DNAH6: variants seen among roughly 807,000 people sequenced by gnomAD.
DNAH6 encodes the protein axonemal beta dynein heavy chain 6.
Under a neutral mutation model 491.4 loss-of-function variants are expected in DNAH6, and 340 were observed. The observed-to-expected ratio is 0.69, with a 90% CI of 0.63 to 0.76. The LOEUF is 0.76. Among genes scored for constraint, DNAH6 ranks in the 30% least tolerant of loss-of-function variants. The probability of loss-of-function intolerance (pLI) is 0.00; values close to 1 mark genes in which losing one functional copy is unlikely to be tolerated. For synonymous variants in DNAH6, 1,603 were observed against 1,686.1 expected (o/e 0.95, Z 1.21); for missense variants, 4,443 against 4,972.2 (o/e 0.89, Z 3.20).
chr2:84,570,225 G>A (rs528735226), intron 11 of DNAH6, among the ~76,000 whole-genome samples: 9 of 152,344 alleles, frequency 5.9e-5, no homozygotes, highest in Admixed American at 1.3e-4. Flanking sequence ...AAGCCACCTC[G>A]AAGGGTCTCC....
intron 72 of DNAH6, 145 bp from the exon 73 acceptor site, chr2:84,812,196 C>T (rs1330705796): frequency 7.5e-6 from 5 of 667,864 alleles, no homozygotes; most frequent in Non-Finnish European, 1.3e-5. Flanking sequence ...ATTGGAGGGT[C>T]TGGCCCAGCA....
rs540564022 is a variant in DNAH6, at chr2:84,727,822, G to A, written c.10126G>A (p.Val3376Ile). The change falls in exon 61 of 77, where the codon GTT becomes ATT. Residue 3376 changes from valine (V) to isoleucine (I), a missense_variant. By Grantham distance (29) the Val-to-Ile change is conservative. This residue lies in a region of DNAH6 where 1,463 missense variants were observed against 1,656.6 expected (regional missense o/e 0.88). Transcript: ENST00000389394. The part of the protein sequence containing the change: ...HKLIYSFMLC[V>I]EMMRQQGTLS... ...ACTCATCTACAGCTTTATGCTTTGTGTTGAGATGATGCGTCAGCAAGGAAC... is the reference window on the plus strand; with the variant it reads ...ACTCATCTACAGCTTTATGCTTTGTATTGAGATGATGCGTCAGCAAGGAAC... 6.4e-7 allele frequency: 1 copy of A among 1,552,100 alleles called. No individual in the cohort carries two copies. Among genetic ancestry groups the A allele is most frequent in the Admixed American group, 2.0e-5 (1 of 51,016 alleles).
In DNAH6 at chr2:84,709,467, G is replaced by A. The variant is rs745375156; in HGVS notation, c.9173G>A (p.Arg3058His). 127 of 1,551,400 alleles carry A rather than the reference G, an allele frequency of 8.2e-5. No homozygotes were observed. Among genetic ancestry groups the A allele is most frequent in the Non-Finnish European group, 1.0e-4 (120 of 1,147,008 alleles). Residue 3058 changes from arginine (R) to histidine (H), a missense_variant, in exon 55 of 77, where the codon CGT (arginine) becomes CAT (histidine). Transcript: ENST00000389394. ...CAGTGGAACACTGATGGGCTGCCCC[G>A]TGACTTGATATCAACAGAAAATGGC... ...IRQWNTDGLP[R>H]DLISTENGIL...
chr2:84,655,045 C>G (rs548762213), intron 35 of DNAH6, among the ~76,000 whole-genome samples: 1 of 152,176 alleles, frequency 6.6e-6, no homozygotes, highest in Non-Finnish European at 1.5e-5. Flanking sequence ...TCTCCCCAGA[C>G]TAGAAACACA....
At chr2:84,786,101 AGAAT>A (rs3062234) in intron 67 of DNAH6, among the ~76,000 whole-genome samples, 12,309 of 150,260 alleles carry the variant, frequency 0.082, 589 homozygotes, top group South Asian at 0.17. Flanking sequence ...AGAGAAAGAA[AGAAT>A]GAATGAATGA....
At chr2:84,564,393 T>C (rs1009089737) in intron 11 of DNAH6, among the ~76,000 whole-genome samples, 16 of 152,148 alleles carry the variant, frequency 1.1e-4, no homozygotes, top group African/African-American at 3.9e-4. Flanking sequence ...TGTAGAAATC[T>C]TTTATCTCCT....
At chr2:84,790,514 A>G (rs1431052385) in intron 68 of DNAH6, among the ~76,000 whole-genome samples, 1 of 152,270 alleles carries the variant, frequency 6.6e-6, no homozygotes, top group Non-Finnish European at 1.5e-5. Flanking sequence ...TCCAAAGTAT[A>G]TAAAGACCTC....
chr2:84,808,131 A>ATG (rs35839006), intron 71 of DNAH6, among the ~76,000 whole-genome samples: 8,957 of 141,174 alleles, frequency 0.063, 381 homozygotes, highest in African/African-American at 0.13. Flanking sequence ...GTGTATATAT[A>ATG]TGTGTGTGTG....
intron 2 of DNAH6, among the ~76,000 whole-genome samples, chr2:84,519,138 T>C (rs553200126): frequency 1.3e-5 from 2 of 152,128 alleles, no homozygotes; most frequent in East Asian, 3.9e-4. Context: ...TCTGAGGAGA[T>C]TTTATCTGAA....
chr2:84,613,622 A>G lies in DNAH6; in HGVS notation c.3475+1768A>G, dbSNP rs372144337. ...ATCACCACAATTTTGGCATTTAAAG[A>G]TGGCAGAGGATACAGAAAAGATACC... On this transcript the variant is annotated intron_variant, in intron 22 of 76. Coordinates refer to ENST00000389394, the MANE Select transcript of DNAH6 (RefSeq NM_001370.2). Among the ~76,000 whole-genome samples, 53 of 152,244 alleles carry G rather than the reference A, an allele frequency of 3.5e-4. 1 individual carries two copies. Among genetic ancestry groups the G allele is most frequent in the African/African-American group, 1.3e-3 (52 of 41,542 alleles).
intron 29 of DNAH6, among the ~76,000 whole-genome samples, chr2:84,627,159 A>G (rs1687957636): frequency 6.6e-6 from 1 of 152,188 alleles, no homozygotes; most frequent in African/African-American, 2.4e-5. Context: ...AGACCTACTT[A>G]ATCAGAACTT....
chr2:84,604,514 C>T lies in DNAH6; in HGVS notation c.3044C>T (p.Ala1015Val), dbSNP rs1235966346. 6.4e-7 allele frequency: 1 copy of T among 1,551,624 alleles called. No individual in the cohort carries two copies. The highest frequency in any genetic ancestry group is 2.4e-5 in the East Asian group (1 of 40,916). Residue 1015 changes from alanine (A) to valine (V), a missense_variant, in exon 19 of 77, where the codon GCT (alanine) becomes GTT (valine). By Grantham distance (64) the Ala-to-Val change is moderately conservative (BLOSUM62 0). This residue lies in a region of DNAH6 where 2,977 missense variants were observed against 3,296.6 expected (regional missense o/e 0.90). Transcript: ENST00000389394. Reference protein sequence around the residue: ...GQEIQDISGQASGEAALEAIL... With the variant: ...GQEIQDISGQVSGEAALEAIL... ...GAAATCCAGGACATATCTGGACAGGCTTCTGGAGAAGCTGCCTTAGAAGCA... is the reference window on the plus strand; with the variant it reads ...GAAATCCAGGACATATCTGGACAGGTTTCTGGAGAAGCTGCCTTAGAAGCA...
Position 84,588,921 on chromosome 2 carries a change from A to G in DNAH6, c.2577A>G (p.Ala859=). ...QSVLADLQKR[A]FQYKSYQKNF... ...TTCTGGCTGATCTTCAGAAACGTGC[A>G]TTTCAGTATAAGTCCTATCAGAAGA... Residue 859 remains alanine (A), a synonymous_variant, in exon 16 of 77, where the codon GCA becomes GCG. Transcript: ENST00000389394. The G allele has an allele frequency of 6.5e-7, 1 of 1,550,084 alleles. No individual in the cohort carries two copies. Among genetic ancestry groups the G allele is most frequent in the South Asian group, 1.2e-5 (1 of 83,604 alleles).
intron 2 of DNAH6, among the ~76,000 whole-genome samples, chr2:84,523,253 G>A (rs1252436766): frequency 6.6e-6 from 1 of 152,004 alleles, no homozygotes; most frequent in African/African-American, 2.4e-5. Context: ...GGTATTCATA[G>A]TAATCACTTG....
chr2:84,580,450 T>C (rs78336070), intron 14 of DNAH6, among the ~76,000 whole-genome samples: 1,735 of 152,278 alleles, frequency 0.011, 32 homozygotes, highest in African/African-American at 0.04. Flanking sequence ...CCAATAGTTT[T>C]TTCATAAACT....
chr2:84,643,898 G>GTGTTTT (rs138750347), intron 33 of DNAH6, among the ~76,000 whole-genome samples: 38 of 148,642 alleles, frequency 2.6e-4, no homozygotes, highest in African/African-American at 9.1e-4. Flanking sequence ...TTCAAATTGT[G>GTGTTTT]TTTTTTTTTG....
At chr2:84,810,054 C>A (rs1031285811) in intron 72 of DNAH6, among the ~76,000 whole-genome samples, 16 of 152,080 alleles carry the variant, frequency 1.1e-4, no homozygotes, top group African/African-American at 3.6e-4. Flanking sequence ...ACATCATGAA[C>A]TTTCACCCAC....
At chr2:84,661,202 G>A (rs1691471962) in intron 37 of DNAH6, among the ~76,000 whole-genome samples, 1 of 151,852 alleles carries the variant, frequency 6.6e-6, no homozygotes, top group South Asian at 2.1e-4. Flanking sequence ...CTCTCTACTA[G>A]TAATCTTAAA....
chr2:84,466,769 A>T, the DNAH6 span, among the ~76,000 whole-genome samples: 31 of 152,350 alleles, frequency 2.0e-4, no homozygotes, highest in African/African-American at 6.7e-4. Flanking sequence ...TCTAAAGAGG[A>T]TTAAAACAAG....
Sources: gnomAD v4.1 joint callset for allele counts (sites outside exome capture counted in the v4.1 genomes callset) on GRCh38, gnomAD v4.1.1 for gene constraint, gnomAD v4.1.1 regional missense constraint, MANE v1.5 for transcripts, NCBI Gene and HGNC (gene_info 2026-07-23, HGNC 2026-07-21) for gene names.